ABTB3: variants seen among roughly 807,000 people sequenced by gnomAD.
ABTB3 encodes the protein ankyrin repeat and BTB domain containing 3, also known as ankyrin repeat- and BTB/POZ domain-containing protein 3.
the ABTB3 span, among the ~76,000 whole-genome samples, chr12:107,657,093 C>T: frequency 4.6e-5 from 7 of 152,312 alleles, no homozygotes; most frequent in South Asian, 1.5e-3. Context: ...CTTCCAGCTC[C>T]AGGATTTGTG....
At chr12:107,502,612 C>G in the ABTB3 span, among the ~76,000 whole-genome samples, 1 of 152,070 alleles carries the variant, frequency 6.6e-6, no homozygotes, top group Non-Finnish European at 1.5e-5. Context: ...AGCCCACAGA[C>G]TGGTACAGGT....
chr12:107,391,776 A>G, the ABTB3 span, among the ~76,000 whole-genome samples: 1 of 152,302 alleles, frequency 6.6e-6, no homozygotes, highest in South Asian at 2.1e-4. Context: ...TTCTTAGCCC[A>G]AGGTTCAGGG....
the ABTB3 span, among the ~76,000 whole-genome samples, chr12:107,379,046 A>G: frequency 6.6e-6 from 1 of 152,202 alleles, no homozygotes; most frequent in East Asian, 1.9e-4. Context: ...TCCTGGACTT[A>G]CCATGTACCT....
chr12:107,342,603 A>G, the ABTB3 span, among the ~76,000 whole-genome samples: 21 of 152,020 alleles, frequency 1.4e-4, no homozygotes, highest in South Asian at 6.2e-4. Flanking sequence ...TTATTGTCCT[A>G]TTGACTGCAG....
chr12:107,433,144 G>T, the ABTB3 span, among the ~76,000 whole-genome samples: 663 of 151,310 alleles, frequency 4.4e-3, 3 homozygotes, highest in African/African-American at 0.015. Flanking sequence ...AAAAAAATTA[G>T]CCGGGCGCGG....
the ABTB3 span, among the ~76,000 whole-genome samples, chr12:107,428,265 C>T: frequency 6.6e-6 from 1 of 152,200 alleles, no homozygotes; most frequent in Non-Finnish European, 1.5e-5. Flanking sequence ...TGTACATGGT[C>T]AGCATCCAGG....
chr12:107,367,328 A>T, the ABTB3 span, among the ~76,000 whole-genome samples: 1 of 152,202 alleles, frequency 6.6e-6, no homozygotes, highest in Non-Finnish European at 1.5e-5. Flanking sequence ...TGAAGAGTTT[A>T]AAATGCATAC....
chr12:107,492,427 A>AC, the ABTB3 span, among the ~76,000 whole-genome samples: 2 of 151,788 alleles, frequency 1.3e-5, no homozygotes, highest in Non-Finnish European at 2.9e-5. Context: ...CTTGCCCAAG[A>AC]CCCCTCGGGA....
chr12:107,356,270 T>A, the ABTB3 span, among the ~76,000 whole-genome samples: 1 of 152,156 alleles, frequency 6.6e-6, no homozygotes, highest in Non-Finnish European at 1.5e-5. Context: ...CCATAAGAGA[T>A]CCATTATGGG....
the ABTB3 span, among the ~76,000 whole-genome samples, chr12:107,634,371 A>C: frequency 1.3e-5 from 2 of 152,256 alleles, no homozygotes; most frequent in Non-Finnish European, 2.9e-5. Context: ...TAACTACTCT[A>C]TTTTTTTAGA....
the ABTB3 span, chr12:107,319,692 G>A: frequency 6.5e-7 from 1 of 1,534,956 alleles, no homozygotes; most frequent in Non-Finnish European, 8.7e-7. Context: ...ATCTACTCGC[G>A]GGTCGTGGCC....
At chr12:107,326,056 C>A in the ABTB3 span, among the ~76,000 whole-genome samples, 1 of 152,142 alleles carries the variant, frequency 6.6e-6, no homozygotes, top group Non-Finnish European at 1.5e-5. Flanking sequence ...CAGGCATGCG[C>A]CACCATGCCC....
At chr12:107,340,664 G>A in the ABTB3 span, among the ~76,000 whole-genome samples, 172 of 151,992 alleles carry the variant, frequency 1.1e-3, no homozygotes, top group African/African-American at 4.0e-3. Context: ...GCAACCCTTG[G>A]AGAATCGATT....
the ABTB3 span, among the ~76,000 whole-genome samples, chr12:107,422,697 A>G: frequency 7.9e-5 from 12 of 152,346 alleles, no homozygotes; most frequent in Middle Eastern, 3.4e-3. Context: ...ATAACTTCTT[A>G]TGCCTCTTTT....
the ABTB3 span, chr12:107,614,947 C>T: frequency 1.7e-5 from 14 of 826,278 alleles, no homozygotes; most frequent in Admixed American, 2.3e-5. Context: ...AGGCATCTTC[C>T]AGGATGTCTT....
At chr12:107,497,451 C>A in the ABTB3 span, among the ~76,000 whole-genome samples, 2 of 151,750 alleles carry the variant, frequency 1.3e-5, no homozygotes, top group African/African-American at 2.4e-5. Flanking sequence ...CCACCATCAC[C>A]ATCATCACAA....
the ABTB3 span, chr12:107,615,086 C>T: frequency 6.2e-7 from 1 of 1,613,806 alleles, no homozygotes; most frequent in African/African-American, 1.3e-5. Flanking sequence ...CATAAATATC[C>T]ATCCGTCCAC....
chr12:107,493,730 T>A, the ABTB3 span, among the ~76,000 whole-genome samples: 1 of 152,104 alleles, frequency 6.6e-6, no homozygotes, highest in Non-Finnish European at 1.5e-5. Context: ...GATGTCCTCA[T>A]GAAAAAGGTG....
chr12:107,375,577 C>T, the ABTB3 span, among the ~76,000 whole-genome samples: 5 of 152,204 alleles, frequency 3.3e-5, no homozygotes, highest in African/African-American at 9.7e-5. Flanking sequence ...GGCCCGGTGC[C>T]GTTCTACCTC....
Sources: allele counts gnomAD v4.1 joint callset (sites outside exome capture counted in the v4.1 genomes callset), GRCh38; gene constraint gnomAD v4.1.1; transcripts MANE v1.5; gene names NCBI Gene and HGNC (gene_info 2026-07-23, HGNC 2026-07-21).